Variants in INPP5A observed in about 807,000 individuals in gnomAD.
INPP5A encodes the protein 43 kDa inositol polyphosphate 5-phophatase.
In INPP5A, 14 loss-of-function variants were observed where a neutral mutation model predicts 65.2. The ratio of observed to expected loss-of-function variants is 0.21; its 90% confidence interval spans 0.14 to 0.34. INPP5A has a LOEUF of 0.34. Among genes scored for constraint, INPP5A ranks in the 10% least tolerant of loss-of-function variants. The pLI, the probability that INPP5A is intolerant of heterozygous loss-of-function variation, is 1.00. For synonymous variants in INPP5A, 207 were observed against 208.3 expected, an observed-to-expected ratio of 0.99 and a Z score of 0.05; for missense variants, 431 against 545.6, an observed-to-expected ratio of 0.79 and a Z score of 2.09.
chr10:132,573,143 G>A (rs2071369533), intron 1 of INPP5A, among the ~76,000 whole-genome samples: 1 of 145,382 alleles, frequency 6.9e-6, no homozygotes, highest in Non-Finnish European at 1.5e-5. Flanking sequence ...TTGAGATGTT[G>A]GGGTGTGTGT....
intron 4 of INPP5A, among the ~76,000 whole-genome samples, chr10:132,657,674 C>G (rs1445229249): frequency 6.6e-6 from 1 of 152,242 alleles, no homozygotes; most frequent in East Asian, 1.9e-4. Context: ...CACTCTCGTT[C>G]TCCTAAATAA....
At chr10:132,694,613 T>A (rs915619217) in intron 5 of INPP5A, among the ~76,000 whole-genome samples, 1 of 152,120 alleles carries the variant, frequency 6.6e-6, no homozygotes, top group Non-Finnish European at 1.5e-5. Flanking sequence ...AACCAAAAGC[T>A]GATTCTTTAA....
rs779008671 is a variant in INPP5A at position 132,753,333 on chromosome 10, C to T, written c.903+3488C>T. Reference sequence around the variant, plus strand: ...CCGCAGCCATGGAGAGCAAACTCTCCGTCCGCAGGATGGATGTGCCTGCGC... The same window carrying T: ...CCGCAGCCATGGAGAGCAAACTCTCTGTCCGCAGGATGGATGTGCCTGCGC... On this transcript the variant is annotated intron_variant, in intron 11 of 15. Transcript: ENST00000368594. This position sits in a 1 kb window ranked among gnomAD's most constrained non-coding sequence, Gnocchi z 5.3. 2.0e-5 allele frequency among the ~76,000 whole-genome samples: 3 copies of T among 152,324 alleles called. No individual in the cohort carries two copies. The highest frequency in any genetic ancestry group is 2.1e-4 in the South Asian group (1 of 4,822).
intron 1 of INPP5A, among the ~76,000 whole-genome samples, chr10:132,556,544 C>G (rs1007941073): frequency 6.6e-6 from 1 of 152,152 alleles, no homozygotes; most frequent in Admixed American, 6.5e-5. Flanking sequence ...ACACACCATA[C>G]ACATGCACAA....
In INPP5A at chr10:132,697,790, C is replaced by A; in HGVS notation, c.371-26C>A. 1 of 1,486,206 alleles carries A rather than the reference C, an allele frequency of 6.7e-7. No individual in the cohort carries two copies. Among genetic ancestry groups the A allele is most frequent in the South Asian group, 1.1e-5 (1 of 87,244 alleles). 92.1% of individuals were successfully genotyped at this position (1,486,206 alleles called of 1,614,324 possible). A position where few individuals can be genotyped will look rare whatever the true frequency, so the allele number is the denominator to read the frequency against. On this transcript the variant is annotated intron_variant, in intron 5 of 15. Transcript: ENST00000368594. This position sits in a 1 kb window ranked among gnomAD's most constrained non-coding sequence, Gnocchi z 5.6. The stretch of plus-strand genomic sequence containing the variant: ...GGATGGGGCACAGTGATGGGATAGT[C>A]ACCTCGTCCTTCTGGTCTCTTCCAG...
At chr10:132,744,147 G>A (rs1302017557) in intron 9 of INPP5A, among the ~76,000 whole-genome samples, 1 of 152,252 alleles carries the variant, frequency 6.6e-6, no homozygotes, top group Non-Finnish European at 1.5e-5. Context: ...TGCCTGCTGA[G>A]GGGCTGGGAG....
In INPP5A at chr10:132,723,437, A is replaced by ATGTGGGGATTGGCCG. The variant is rs1564984287; in HGVS notation, c.648-3369_648-3355dup. 3.3e-3 allele frequency among the ~76,000 whole-genome samples: 468 copies of ATGTGGGGATTGGCCG among 141,310 alleles called. 3 individuals carry two copies. Among genetic ancestry groups the ATGTGGGGATTGGCCG allele is most frequent in the Non-Finnish European group, 4.2e-3 (270 of 64,938 alleles). The allele number at this position is 141,310 out of a possible 152,430, so 92.7% of individuals were successfully genotyped here. On this transcript the variant is annotated intron_variant, in intron 8 of 15. Transcript: ENST00000368594. ...CGACACCGCACACAGATGCTTGGCC[A>ATGTGGGGATTGGCCG]TGTGGGGATTGGCCGTGTGGGGATT...
In INPP5A at chr10:132,603,638, C is replaced by T. The variant is rs989443011; in HGVS notation, c.76-4277C>T. Among the ~76,000 whole-genome samples, 4 of 152,218 alleles carry T rather than the reference C, an allele frequency of 2.6e-5. No homozygotes were observed. The highest frequency in any genetic ancestry group is 3.8e-4 in the East Asian group (2 of 5,202). ...TTGAAGAATGTAGCGTTTAAGAATACATTTTAATTTTAGAGCACGTTTATG... is the reference window on the plus strand; with the variant it reads ...TTGAAGAATGTAGCGTTTAAGAATATATTTTAATTTTAGAGCACGTTTATG... On this transcript the variant is annotated intron_variant, in intron 1 of 15. Transcript: ENST00000368594. The surrounding 1 kb of genome is among the most constrained non-coding windows in gnomAD (Gnocchi z 4.2).
At chr10:132,771,853 GCCACAGCAGCCA>G in intron 12 of INPP5A, among the ~76,000 whole-genome samples, 2 of 115,052 alleles carry the variant, frequency 1.7e-5, no homozygotes, top group African/African-American at 3.6e-5. Flanking sequence ...TGACACGGAG[GCCACAGCAGCCA>G]CCCCGCGAAG....
At chr10:132,781,822 C>A in intron 14 of INPP5A, 39 bp from the exon 15 acceptor site, 1 of 1,543,216 alleles carries the variant, frequency 6.5e-7, no homozygotes, top group Non-Finnish European at 9.0e-7. Context: ...TGCTGTCCCG[C>A]GTGCGCCGTG....
At chr10:132,643,297 G>T (rs997896447) in intron 2 of INPP5A, among the ~76,000 whole-genome samples, 6 of 152,142 alleles carry the variant, frequency 3.9e-5, no homozygotes, top group Non-Finnish European at 8.8e-5. Context: ...CTTTCTCTGG[G>T]TGGTACAGGA....
chr10:132,605,017 G>A (rs2071827687), intron 1 of INPP5A, among the ~76,000 whole-genome samples: 1 of 152,048 alleles, frequency 6.6e-6, no homozygotes, highest in Non-Finnish European at 1.5e-5. Flanking sequence ...GCCCTGGAGG[G>A]TGGATCCACT....
intron 5 of INPP5A, among the ~76,000 whole-genome samples, chr10:132,693,876 C>T (rs1039490823): frequency 1.3e-5 from 2 of 152,096 alleles, no homozygotes; most frequent in African/African-American, 4.8e-5. Context: ...GTGTCAAATA[C>T]ACAAGGCAAA....
At chr10:132,553,492 G>A (rs1384779971) in intron 1 of INPP5A, among the ~76,000 whole-genome samples, 2 of 141,294 alleles carry the variant, frequency 1.4e-5, no homozygotes, top group African/African-American at 5.3e-5. Flanking sequence ...GGGAGGACTG[G>A]TGAACACCTT....
intron 1 of INPP5A, among the ~76,000 whole-genome samples, chr10:132,559,104 G>T (rs1391656000): frequency 6.6e-6 from 1 of 152,212 alleles, no homozygotes; most frequent in African/African-American, 2.4e-5. Context: ...TGCCCGGCTG[G>T]CCACTCACTG....
chr10:132,635,434 T>C (rs1167559911), intron 2 of INPP5A, among the ~76,000 whole-genome samples: 17 of 127,190 alleles, frequency 1.3e-4, no homozygotes, highest in Admixed American at 1.2e-3. Context: ...CTCGCTCTGT[T>C]GCCCAGGCTG....
intron 2 of INPP5A, among the ~76,000 whole-genome samples, chr10:132,631,088 C>T (rs1290675989): frequency 1.3e-5 from 2 of 152,208 alleles, no homozygotes; most frequent in African/African-American, 4.8e-5. Flanking sequence ...CCCATGGTGG[C>T]CCAGCCCCAC....
intron 5 of INPP5A, among the ~76,000 whole-genome samples, chr10:132,693,330 C>T (rs1845298141): frequency 6.6e-6 from 1 of 152,136 alleles, no homozygotes; most frequent in African/African-American, 2.4e-5. Flanking sequence ...TATCAACGAT[C>T]CCTTTAAATG....
intron 11 of INPP5A, among the ~76,000 whole-genome samples, chr10:132,763,700 C>A (rs1329311033): frequency 6.6e-6 from 1 of 151,686 alleles, no homozygotes; most frequent in Non-Finnish European, 1.5e-5. Context: ...CAAACACACA[C>A]ATGCCTGTGT....
Sources: gnomAD v4.1 joint callset for allele counts (sites outside exome capture counted in the v4.1 genomes callset) on GRCh38, gnomAD v4.1.1 for gene constraint, Gnocchi (gnomAD v3.1) non-coding constraint, MANE v1.5 for transcripts, NCBI Gene and HGNC (gene_info 2026-07-23, HGNC 2026-07-21) for gene names.